The following PPP2CA variants were observed in gnomAD, a reference collection of about 807,000 sequenced individuals.
PPP2CA encodes protein phosphatase 2 catalytic subunit alpha.
Under a neutral mutation model 38.8 loss-of-function variants are expected in PPP2CA, and 5 were observed. The ratio of observed to expected loss-of-function variants is 0.13; its 90% CI spans 0.07 to 0.27. The LOEUF is 0.27. PPP2CA is among the 10% of genes least tolerant of loss of function. PPP2CA has a pLI of 1.00. For missense variants in PPP2CA, 88 were observed against 389.7 expected (o/e 0.23, Z 6.52); for synonymous variants, 152 against 134.0 (o/e 1.13, Z -0.93).
At chr5:134,219,561 C>G (rs1232915646) in intron 1 of PPP2CA, among the ~76,000 whole-genome samples, 8 of 152,220 alleles carry the variant, frequency 5.3e-5, no homozygotes. Context: ...GAAGTGGCAA[C>G]ACAGGGTGCA....
chr5:134,222,061 C>T (rs755092053), intron 1 of PPP2CA, among the ~76,000 whole-genome samples: 23 of 151,658 alleles, frequency 1.5e-4, no homozygotes, highest in Non-Finnish European at 3.2e-4. Context: ...ACTACTAACA[C>T]TACCTCTGAA....
rs890964167 is a variant in PPP2CA, at chr5:134,225,988, G to C, written c.-127C>G. The C allele has an allele frequency of 3.7e-6, 3 of 810,624 alleles. No homozygotes were observed. Among genetic ancestry groups the C allele is most frequent in the Non-Finnish European group, 5.7e-6 (3 of 525,298 alleles). The allele number at this position is 810,624 out of a possible 1,614,324, so 50.2% of individuals were successfully genotyped here. Reference sequence around the variant, plus strand: ...CTGGCGGCTGTTGAGGCTGGCGCTGGCCCGCTGGCTCTCACCGCAGTACTC... The same window carrying C: ...CTGGCGGCTGTTGAGGCTGGCGCTGCCCCGCTGGCTCTCACCGCAGTACTC... On this transcript the variant is annotated 5_prime_UTR_variant, in exon 1 of 7. Coordinates refer to ENST00000481195, the MANE Select transcript of PPP2CA (RefSeq NM_002715.4).
intron 1 of PPP2CA, chr5:134,225,320 G>A (rs1000154698): frequency 1.2e-5 from 2 of 161,528 alleles, no homozygotes; most frequent in African/African-American, 4.8e-5. Flanking sequence ...GACTGCCTTT[G>A]GGGGATCCTC....
rs35713465 is a variant in PPP2CA at position 134,221,967 on chromosome 5, CAAA to C, written c.102+3790_102+3792del. On this transcript the variant is annotated intron_variant, in intron 1 of 6. Coordinates refer to ENST00000481195, the MANE Select transcript of PPP2CA (RefSeq NM_002715.4). ...TGGGCAAAAGAGTAAGACCTTATCT[CAAA>C]AAAAAAAAAAAAAAAAAGTTTTATT... 2.8e-3 allele frequency among the ~76,000 whole-genome samples: 220 copies of C among 78,108 alleles called. 1 individual carries two copies. Among genetic ancestry groups the C allele is most frequent in the Middle Eastern group, 0.014 (2 of 148 alleles). The allele number at this position is 78,108 out of a possible 152,430, so 51.2% of individuals were successfully genotyped here.
chr5:134,214,864 CTT>C (rs755698069), intron 1 of PPP2CA, among the ~76,000 whole-genome samples: 15 of 151,956 alleles, frequency 9.9e-5, no homozygotes, highest in Non-Finnish European at 1.5e-4. Context: ...GTTATCACGT[CTT>C]GCCATTTTCT....
At chr5:134,218,732 G>A (rs946500737) in intron 1 of PPP2CA, among the ~76,000 whole-genome samples, 5 of 150,568 alleles carry the variant, frequency 3.3e-5, no homozygotes, top group South Asian at 2.1e-4. Flanking sequence ...GCAGGGGCAC[G>A]ATCTCGGCTC....
chr5:134,204,935 ATAT>A (rs929490219), intron 2 of PPP2CA, among the ~76,000 whole-genome samples: 21 of 70,178 alleles, frequency 3.0e-4, no homozygotes, highest in Non-Finnish European at 6.7e-4. Context: ...TTCTTCCTCG[ATAT>A]TTTTTTTTTT....
intron 1 of PPP2CA, among the ~76,000 whole-genome samples, chr5:134,208,392 T>C (rs1353982178): frequency 6.6e-6 from 1 of 152,242 alleles, no homozygotes; most frequent in Admixed American, 6.5e-5. Context: ...ATCACACCGA[T>C]AAACAGTGTT....
chr5:134,220,297 A>G (rs939314309), intron 1 of PPP2CA, among the ~76,000 whole-genome samples: 9 of 151,720 alleles, frequency 5.9e-5, no homozygotes, highest in Admixed American at 4.6e-4. Flanking sequence ...TGTCTCTACT[A>G]AAAATACAAA....
intron 1 of PPP2CA, among the ~76,000 whole-genome samples, chr5:134,219,979 C>G (rs1282220106): frequency 6.8e-6 from 1 of 147,844 alleles, no homozygotes; most frequent in Admixed American, 6.9e-5. Flanking sequence ...CAACTGTACT[C>G]TGGCCTGGGC....
chr5:134,214,861 C>T (rs944177369), intron 1 of PPP2CA, among the ~76,000 whole-genome samples: 10 of 151,968 alleles, frequency 6.6e-5, no homozygotes, highest in African/African-American at 1.4e-4. Flanking sequence ...AAAGTTATCA[C>T]GTCTTGCCAT....
intron 1 of PPP2CA, among the ~76,000 whole-genome samples, chr5:134,216,820 TATC>T (rs1762330455): frequency 6.6e-6 from 1 of 152,152 alleles, no homozygotes; most frequent in South Asian, 2.1e-4. Context: ...CAAGTTTCTG[TATC>T]ATCAATTCTG....
chr5:134,221,205 A>G (rs1400491714), intron 1 of PPP2CA, among the ~76,000 whole-genome samples: 1 of 152,134 alleles, frequency 6.6e-6, no homozygotes, highest in Non-Finnish European at 1.5e-5. Flanking sequence ...TCCGCCTCCC[A>G]GGTTCAAGCA....
Position 134,197,795 on chromosome 5 carries a change from G to A in PPP2CA, c.907C>T (p.Arg303Cys). ...CATTACAGGAAGTAGTCTGGGGTAC[G>A]ACGAGTAACATGTGGCTCGCCTCTA... ...PRRGEPHVTR[R>C]TPDYFL Residue 303 changes from arginine to cysteine, a missense_variant, in exon 7 of 7, where the codon CGT becomes TGT. Arg to Cys is a radical substitution (Grantham distance 180, BLOSUM62 -3). This residue lies in a region of PPP2CA where 36 missense variants were observed against 259.8 expected (regional missense o/e 0.14). Transcript: ENST00000481195. 6.2e-7 allele frequency: 1 copy of A among 1,614,080 alleles called. No homozygotes were observed.
rs139617743 is a variant in PPP2CA at position 134,200,395 on chromosome 5, C to T, written c.678G>A (p.Glu226=). 5.5e-5 allele frequency: 88 copies of T among 1,614,158 alleles called. 1 individual carries two copies. In the Middle Eastern group the frequency reaches 3.0e-3, roughly 54 times the overall value. The part of the protein sequence containing the change: ...AGYTFGQDIS[E]TFNHANGLTL... ...TGAGGCCATTGGCATGATTAAATGT[C>T]TCAGAAATATCTTGCCCAAAGGTGT... Residue 226 remains glutamate (E), a synonymous_variant, in exon 5 of 7, where the codon GAG becomes GAA. Coordinates refer to ENST00000481195, the MANE Select transcript of PPP2CA (RefSeq NM_002715.4).
chr5:134,202,486 T>C (rs2149383578), intron 2 of PPP2CA: 1 of 154,424 alleles, frequency 6.5e-6, no homozygotes, highest in South Asian at 2.0e-4. Flanking sequence ...GAATACAAAA[T>C]GTAGTCTTTT....
chr5:134,223,071 T>C (rs1165732769), intron 1 of PPP2CA, among the ~76,000 whole-genome samples: 2 of 152,220 alleles, frequency 1.3e-5, no homozygotes, highest in Non-Finnish European at 2.9e-5. Flanking sequence ...TTTAAATATT[T>C]CCCCTTCAAA....
chr5:134,208,496 A>T (rs1762131407), intron 1 of PPP2CA, among the ~76,000 whole-genome samples: 1 of 152,318 alleles, frequency 6.6e-6, no homozygotes, highest in African/African-American at 2.4e-5. Flanking sequence ...ACCCTACACA[A>T]TCCCACCCCC....
In PPP2CA at chr5:134,196,034, CAG is replaced by C. The variant is rs1313177413; in HGVS notation, c.*1736_*1737del. Reference sequence around the variant, plus strand: ...GTCGGAGAGAAAGGGCATAGAGTGACAGAGCAACAAAAAGACACACAGAGAAT... The same window carrying C: ...GTCGGAGAGAAAGGGCATAGAGTGACAGCAACAAAAAGACACACAGAGAAT... On this transcript the variant is annotated 3_prime_UTR_variant, in exon 7 of 7. Coordinates refer to ENST00000481195, the MANE Select transcript of PPP2CA (RefSeq NM_002715.4). 6.6e-6 allele frequency: 1 copy of C among 151,986 alleles called. No individual in the cohort carries two copies. Among genetic ancestry groups the C allele is most frequent in the Non-Finnish European group, 1.5e-5 (1 of 68,020 alleles). 9.4% of individuals were successfully genotyped at this position (151,986 alleles called of 1,614,324 possible).
Sources: allele counts gnomAD v4.1 joint callset (sites outside exome capture counted in the v4.1 genomes callset), GRCh38; gene constraint gnomAD v4.1.1; regional missense constraint gnomAD v4.1.1; transcripts MANE v1.5; gene names NCBI Gene and HGNC (gene_info 2026-07-23, HGNC 2026-07-21).